Variants in SPECC1 observed in about 807,000 individuals in gnomAD.
SPECC1 encodes the protein sperm antigen with calponin homology and coiled-coil domains 1.
A neutral mutation model predicts 104.1 loss-of-function variants in SPECC1; 62 were observed. The ratio of observed to expected loss-of-function variants is 0.60; its 90% CI spans 0.49 to 0.74. The LOEUF is 0.74. Among genes scored for constraint, SPECC1 ranks in the 30% least tolerant of loss-of-function variants. The pLI is 0.00. For missense variants in SPECC1, 1,306 were observed against 1,310.5 expected (o/e 1.00, Z 0.05); for synonymous variants, 513 against 501.6 (o/e 1.02, Z -0.30).
At chr17:20,113,097 TA>T (rs970696125) in intron 3 of SPECC1, 272 of 663,940 alleles carry the variant, frequency 4.1e-4, no homozygotes, top group Middle Eastern at 8.8e-4. Flanking sequence ...GTAAGGAAGT[TA>T]AAAAAAAATT....
At chr17:20,186,101 G>A (rs1422769118) in intron 3 of SPECC1, among the ~76,000 whole-genome samples, 1 of 152,154 alleles carries the variant, frequency 6.6e-6, no homozygotes, top group African/African-American at 2.4e-5. Flanking sequence ...GCCTCCCAAA[G>A]TGCTGGGATT....
intron 1 of SPECC1, chr17:20,056,734 A>G (rs186235936): frequency 2.0e-5 from 3 of 152,380 alleles, no homozygotes; most frequent in Non-Finnish European, 2.9e-5. Flanking sequence ...TTTGAAGGAT[A>G]AGATGAGGAA....
In SPECC1 at chr17:20,231,761, G is replaced by A. The variant is rs2038594331; in HGVS notation, c.2075G>A (p.Ser692Asn). Reference sequence around the variant, plus strand: ...TGTCTGAATTATTTATTTCTAGGTAGTGTGATCAAGCTGGAGGAACAGAAG... The same window carrying A: ...TGTCTGAATTATTTATTTCTAGGTAATGTGATCAAGCTGGAGGAACAGAAG... ...NNQLISELES[S>N]VIKLEEQKSD... Residue 692 changes from serine to asparagine, a missense_variant, in exon 6 of 15, where the codon AGT becomes AAT. Physicochemically the swap from Ser to Asn is conservative, Grantham distance 46 (BLOSUM62 1). Transcript: ENST00000395527. 6.2e-7 allele frequency: 1 copy of A among 1,613,974 alleles called. No homozygotes were observed. The highest frequency in any genetic ancestry group is 8.5e-7 in the Non-Finnish European group (1 of 1,179,910).
intron 1 of SPECC1, among the ~76,000 whole-genome samples, chr17:20,085,029 G>A (rs569724922): frequency 6.6e-6 from 1 of 152,228 alleles, no homozygotes; most frequent in African/African-American, 2.4e-5. Flanking sequence ...GACAGTAGAG[G>A]GTAAGTGAAA....
chr17:20,093,893 C>G (rs4925083), intron 1 of SPECC1, among the ~76,000 whole-genome samples: 75,060 of 150,962 alleles, frequency 0.5, 19,174 homozygotes, highest in Middle Eastern at 0.6. Context: ...ACCACGTCCC[C>G]CTAATTTTTT....
intron 3 of SPECC1, among the ~76,000 whole-genome samples, chr17:20,132,286 A>G (rs2049686499): frequency 6.6e-6 from 1 of 151,804 alleles, no homozygotes; most frequent in South Asian, 2.1e-4. Context: ...ACTGAATTCT[A>G]TTTGCTAGTA....
In SPECC1 at chr17:20,205,709, T is replaced by C. The variant is rs2036732660; in HGVS notation, c.1660T>C (p.Leu554=). 1.2e-6 allele frequency: 2 copies of C among 1,614,174 alleles called. No individual in the cohort carries two copies. Among genetic ancestry groups the C allele is most frequent in the Non-Finnish European group, 8.5e-7 (1 of 1,180,028 alleles). The change falls in exon 4 of 15, where the codon TTG becomes CTG. Residue 554 remains leucine, a synonymous_variant. Coordinates refer to ENST00000395527, the MANE Select transcript of SPECC1 (RefSeq NM_001243439.2). ...LEGLKMENGS[L]KSHLQGEKQK... ...AGGGCTAAAAATGGAGAATGGATCTTTGAAGTCTCATTTGCAGGGTGAGAA... is the reference window on the plus strand; with the variant it reads ...AGGGCTAAAAATGGAGAATGGATCTCTGAAGTCTCATTTGCAGGGTGAGAA...
intron 7 of SPECC1, among the ~76,000 whole-genome samples, chr17:20,240,284 C>G (rs1247435609): frequency 6.6e-6 from 1 of 151,542 alleles, no homozygotes; most frequent in Non-Finnish European, 1.5e-5. Context: ...ACTAGTTTTG[C>G]AACTTTTCCC....
At chr17:20,243,043 G>A (rs752186138) in intron 7 of SPECC1, among the ~76,000 whole-genome samples, 1 of 152,212 alleles carries the variant, frequency 6.6e-6, no homozygotes, top group Non-Finnish European at 1.5e-5. Flanking sequence ...ATCATGAAAT[G>A]CTGGAGGGAA....
At chr17:20,015,705 C>G (rs1337430495) in intron 1 of SPECC1, among the ~76,000 whole-genome samples, 1 of 150,476 alleles carries the variant, frequency 6.6e-6, no homozygotes, top group Non-Finnish European at 1.5e-5. Flanking sequence ...CTGCCTCAGC[C>G]TCCCCAGTAG....
rs2042032250 is a variant in SPECC1, at chr17:20,315,747, A to G, written c.*1682A>G. On this transcript the variant is annotated 3_prime_UTR_variant, in exon 15 of 15. Coordinates refer to ENST00000395527, the MANE Select transcript of SPECC1 (RefSeq NM_001243439.2). Reference sequence around the variant, plus strand: ...AAGCCAGACCTTTGCAGAGGTGGCAACTGGGCTGCACGGGTCAGCAGATCC... The same window carrying G: ...AAGCCAGACCTTTGCAGAGGTGGCAGCTGGGCTGCACGGGTCAGCAGATCC... The G allele has an allele frequency of 8.6e-6, 2 of 232,200 alleles. No homozygotes were observed. The allele number at this position is 232,200 out of a possible 1,614,324, so 14.4% of individuals were successfully genotyped here.
intron 3 of SPECC1, among the ~76,000 whole-genome samples, chr17:20,198,845 C>T (rs1354252244): frequency 6.6e-6 from 1 of 152,158 alleles, no homozygotes; most frequent in Non-Finnish European, 1.5e-5. Context: ...TTGGTTTCCT[C>T]CCTTGTTTTT....
chr17:20,286,468 G>C (rs1470011361), intron 12 of SPECC1, among the ~76,000 whole-genome samples: 4 of 152,090 alleles, frequency 2.6e-5, no homozygotes, highest in Non-Finnish European at 5.9e-5. Context: ...TGAGCATTGA[G>C]GACTGTCGCG....
rs370856374 is a variant in SPECC1, at chr17:20,298,921, A to AAG, written c.3057+1871_3057+1872dup. Among the ~76,000 whole-genome samples the AAG allele has an allele frequency of 3.9e-3, 285 of 72,736 alleles. 6 individuals are homozygous for AAG. The highest frequency in any genetic ancestry group is 0.017 in the East Asian group (9 of 532). 47.7% of individuals were successfully genotyped at this position (72,736 alleles called of 152,430 possible). ...GAATTCTCCAAAAAAGCAGAACCAA[A>AAG]AGAGAGAGAGAGAGAGAGAGAGAGA... On this transcript the variant is annotated intron_variant, in intron 13 of 14. Coordinates refer to ENST00000395527, the MANE Select transcript of SPECC1 (RefSeq NM_001243439.2).
At chr17:20,235,199 T>C (rs1223460255) in intron 7 of SPECC1, among the ~76,000 whole-genome samples, 2 of 152,212 alleles carry the variant, frequency 1.3e-5, no homozygotes, top group African/African-American at 4.8e-5. Context: ...CTTAGAGTTA[T>C]TCTGGTGCAA....
At chr17:20,054,767 A>T (rs1052937240) in intron 1 of SPECC1, among the ~76,000 whole-genome samples, 6 of 152,032 alleles carry the variant, frequency 3.9e-5, no homozygotes, top group Admixed American at 3.3e-4. Context: ...TCCTGGGCTC[A>T]AGCAAGCCTC....
intron 3 of SPECC1, among the ~76,000 whole-genome samples, chr17:20,158,691 G>C (rs372244248): frequency 2.1e-4 from 32 of 152,230 alleles, no homozygotes; most frequent in African/African-American, 7.0e-4. Context: ...TGGGATCCTC[G>C]TGGTGCCAAC....
At chr17:20,177,573 T>G (rs1433472390) in intron 3 of SPECC1, among the ~76,000 whole-genome samples, 1 of 152,236 alleles carries the variant, frequency 6.6e-6, no homozygotes. Flanking sequence ...AATTCTTTAG[T>G]TAACGGCATA....
intron 4 of SPECC1, among the ~76,000 whole-genome samples, chr17:20,214,882 C>T (rs982929795): frequency 2.6e-5 from 4 of 152,180 alleles, no homozygotes; most frequent in African/African-American, 4.8e-5. Flanking sequence ...ATGTCAGGGA[C>T]GGGCAGGAGG....
Sources: allele counts gnomAD v4.1 joint callset (sites outside exome capture counted in the v4.1 genomes callset), GRCh38; gene constraint gnomAD v4.1.1; transcripts MANE v1.5; gene names NCBI Gene and HGNC (gene_info 2026-07-23, HGNC 2026-07-21).